Variants in PCDH15 observed in about 807,000 individuals in gnomAD.
PCDH15 encodes the protein protocadherin-15.
Under a neutral mutation model 178.5 loss-of-function variants are expected in PCDH15, and 129 were observed. That is an observed-to-expected ratio of 0.72 (90% CI 0.63 to 0.84). The LOEUF is 0.84. Among genes scored for constraint, PCDH15 ranks in the 40% least tolerant of loss-of-function variants. PCDH15 has a pLI of 0.00. For synonymous variants in PCDH15, 800 were observed against 732.0 expected, an observed-to-expected ratio of 1.09 and a Z score of -1.50; for missense variants, 2,230 against 2,099.9, an observed-to-expected ratio of 1.06 and a Z score of -1.21.
upstream of PCDH15, among the ~76,000 whole-genome samples, chr10:54,804,669 G>T (rs901199404): frequency 2.6e-5 from 4 of 151,578 alleles, no homozygotes; most frequent in South Asian, 4.2e-4. Flanking sequence ...TTAGAATTTT[G>T]TGAGTATTTT....
At chr10:55,550,258 A>T (rs1841977404) in intron 2 of PCDH15, among the ~76,000 whole-genome samples, 1 of 152,190 alleles carries the variant, frequency 6.6e-6, no homozygotes, top group South Asian at 2.1e-4. Context: ...TTAGTGTTGT[A>T]AAAATGATGG....
intron 2 of PCDH15, among the ~76,000 whole-genome samples, chr10:54,970,463 T>A (rs866246971): frequency 1.3e-5 from 2 of 152,144 alleles, no homozygotes; most frequent in African/African-American, 4.8e-5. Context: ...GTGGCTGTGA[T>A]TAGAACATTG....
intron 2 of PCDH15, among the ~76,000 whole-genome samples, chr10:55,452,747 T>G (rs943383939): frequency 6.6e-6 from 1 of 152,178 alleles, no homozygotes; most frequent in South Asian, 2.1e-4. Context: ...TCAACAGTAT[T>G]AATCATATTA....
chr10:55,025,203 A>C (rs562139868), intron 2 of PCDH15, among the ~76,000 whole-genome samples: 1 of 152,336 alleles, frequency 6.6e-6, no homozygotes, highest in Non-Finnish European at 1.5e-5. Flanking sequence ...ACAGCAACAA[A>C]GAAAGAGAGA....
chr10:55,368,173 C>T (rs1845413201), intron 2 of PCDH15, among the ~76,000 whole-genome samples: 1 of 151,974 alleles, frequency 6.6e-6, no homozygotes, highest in African/African-American at 2.4e-5. Flanking sequence ...TCTCACTCTC[C>T]ATTTTATTTT....
chr10:55,042,968 G>A (rs1335262725), intron 2 of PCDH15, among the ~76,000 whole-genome samples: 1 of 152,050 alleles, frequency 6.6e-6, no homozygotes, highest in East Asian at 1.9e-4. Flanking sequence ...TGTATGTGTT[G>A]CATGTCAGCC....
At chr10:55,334,333 G>A (rs190382880) in intron 2 of PCDH15, among the ~76,000 whole-genome samples, 1,516 of 141,116 alleles carry the variant, frequency 0.011, 51 homozygotes, top group African/African-American at 0.039. Flanking sequence ...TTGAGACAGA[G>A]TTTCGCTCTT....
At chr10:55,174,483 C>A (rs140719400) in intron 1 of PCDH15, among the ~76,000 whole-genome samples, 1 of 147,342 alleles carries the variant, frequency 6.8e-6, no homozygotes, top group East Asian at 2.1e-4. Context: ...CACTGTCCTG[C>A]AGCTGGACCT....
chr10:53,878,291 A>ATATATATATAGACTATATATATTC (rs2133302439), intron 26 of PCDH15, among the ~76,000 whole-genome samples: 1 of 112,166 alleles, frequency 8.9e-6, no homozygotes, highest in Non-Finnish European at 1.6e-5. Flanking sequence ...CACACTTTGA[A>ATATATATATAGACTATATATATTC]TATATATATA....
chr10:54,599,065 A>G (rs1253117812), intron 2 of PCDH15, among the ~76,000 whole-genome samples: 1 of 152,152 alleles, frequency 6.6e-6, no homozygotes, highest in Non-Finnish European at 1.5e-5. Flanking sequence ...AGCAATTTGT[A>G]CATAAAATGT....
At chr10:54,844,135 C>T (rs1047226095) in intron 3 of PCDH15, among the ~76,000 whole-genome samples, 1 of 152,022 alleles carries the variant, frequency 6.6e-6, no homozygotes, top group African/African-American at 2.4e-5. Flanking sequence ...TATATCTACA[C>T]AGCCAGTTCC....
chr10:54,540,366 G>A (rs748626523), intron 2 of PCDH15, among the ~76,000 whole-genome samples: 31 of 152,020 alleles, frequency 2.0e-4, no homozygotes, highest in Non-Finnish European at 4.1e-4. Flanking sequence ...AATCCTCAGA[G>A]ACTATTATCA....
chr10:54,594,689 C>G (rs2133981128), intron 2 of PCDH15, among the ~76,000 whole-genome samples: 1 of 152,310 alleles, frequency 6.6e-6, no homozygotes, highest in African/African-American at 2.4e-5. Context: ...GCAGACAGAC[C>G]TAGCCTTTCC....
At chr10:54,461,341 C>T (rs1415464373) in intron 3 of PCDH15, among the ~76,000 whole-genome samples, 1 of 152,036 alleles carries the variant, frequency 6.6e-6, no homozygotes, top group South Asian at 2.1e-4. Flanking sequence ...TGTACATTTT[C>T]TTTACTTTTT....
intron 2 of PCDH15, among the ~76,000 whole-genome samples, chr10:55,486,355 T>G (rs1242524259): frequency 6.6e-6 from 1 of 151,702 alleles, no homozygotes; most frequent in Non-Finnish European, 1.5e-5. Flanking sequence ...TTGCAAATTT[T>G]TTCTATATGT....
chr10:55,357,372 T>C (rs970205005), intron 2 of PCDH15, among the ~76,000 whole-genome samples: 1 of 151,956 alleles, frequency 6.6e-6, no homozygotes, highest in African/African-American at 2.4e-5. Flanking sequence ...CCCTGCACTT[T>C]TTTAGTGTGC....
At chr10:54,735,785 A>G (rs1242732913) in intron 1 of PCDH15, among the ~76,000 whole-genome samples, 1 of 119,826 alleles carries the variant, frequency 8.3e-6, no homozygotes, top group Non-Finnish European at 1.7e-5. Flanking sequence ...CAAACACCGC[A>G]TATTCTCACT....
chr10:55,435,307 T>C (rs960528096), intron 2 of PCDH15, among the ~76,000 whole-genome samples: 1 of 152,096 alleles, frequency 6.6e-6, no homozygotes, highest in Admixed American at 6.6e-5. Context: ...TACAAGATAA[T>C]TGGGGAAGAA....
At chr10:55,608,978 A>T (rs939054198) in intron 2 of PCDH15, among the ~76,000 whole-genome samples, 1 of 151,090 alleles carries the variant, frequency 6.6e-6, no homozygotes, top group Non-Finnish European at 1.5e-5. Context: ...TCCAAAAGCG[A>T]TTGTCTATGG....
Sources: gnomAD v4.1 joint callset for allele counts (sites outside exome capture counted in the v4.1 genomes callset) on GRCh38, gnomAD v4.1.1 for gene constraint, MANE v1.5 for transcripts, NCBI Gene and HGNC (gene_info 2026-07-23, HGNC 2026-07-21) for gene names.